Variants in ZNF565 observed in about 807,000 individuals in gnomAD.
ZNF565 encodes the protein zinc finger protein 565.
A neutral mutation model predicts 39.4 loss-of-function variants in ZNF565; 27 were observed. The ratio of observed to expected loss-of-function variants is 0.69; its 90% CI spans 0.51 to 0.95. The LOEUF (loss-of-function observed/expected upper bound fraction) is 0.95. Ranked by LOEUF, ZNF565 falls within the 40% of genes least tolerant of loss-of-function variation. ZNF565 has a pLI of 0.00. For synonymous variants in ZNF565, 185 were observed against 216.6 expected, an observed-to-expected ratio of 0.85 and a Z score of 1.28; for missense variants, 524 against 621.1, an observed-to-expected ratio of 0.84 and a Z score of 1.66.
intron 1 of ZNF565, among the ~76,000 whole-genome samples, chr19:36,220,586 G>C (rs930926357): frequency 6.6e-6 from 1 of 152,022 alleles, no homozygotes; most frequent in South Asian, 2.1e-4. Context: ...GGATGGTCTC[G>C]ATCTCCTAAC....
chr19:36,224,829 G>T (rs1977001186), intron 1 of ZNF565, among the ~76,000 whole-genome samples: 1 of 152,056 alleles, frequency 6.6e-6, no homozygotes, highest in Non-Finnish European at 1.5e-5. Context: ...GGGTCCTCTA[G>T]GGTGTTTTAA....
At chr19:36,236,736 C>A in intron 1 of ZNF565, 1 of 1,614,116 alleles carries the variant, frequency 6.2e-7, no homozygotes. Context: ...GGAGAAAAAC[C>A]TTTTGAGTGT....
intron 2 of ZNF565, 85 bp downstream of exon 2, chr19:36,201,892 G>T: frequency 6.6e-7 from 1 of 1,504,792 alleles, no homozygotes; most frequent in South Asian, 1.2e-5. Context: ...AAGGATACAG[G>T]GAAGTTCCAG....
chr19:36,203,286 A>C (rs982322787), intron 1 of ZNF565: 9 of 148,086 alleles, frequency 6.1e-5, no homozygotes, highest in Non-Finnish European at 1.2e-4. Context: ...TGGTGAGCCG[A>C]GATCGCACCA....
At chr19:36,218,882 C>T (rs547463822), upstream of ZNF565, among the ~76,000 whole-genome samples, 70 of 151,690 alleles carry the variant, frequency 4.6e-4, no homozygotes, top group African/African-American at 1.6e-3. Flanking sequence ...TATCTTGGCT[C>T]ACTGCAAGCT....
intron 1 of ZNF565, among the ~76,000 whole-genome samples, chr19:36,222,925 A>C (rs1428884918): frequency 6.6e-6 from 1 of 150,992 alleles, no homozygotes; most frequent in Non-Finnish European, 1.5e-5. Flanking sequence ...GCTTAGAATG[A>C]GCCCCCTGTG....
rs1438135924 is a variant in ZNF565, at chr19:36,211,465, A to T, written c.-66+3157T>A. On this transcript the variant is annotated intron_variant, in intron 1 of 4. Coordinates refer to ENST00000304116, the MANE Select transcript of ZNF565 (RefSeq NM_152477.5). ...AACTCTCTCTCACACACACACACAC[A>T]CACACACACACACACACACACAATT... 1.7e-3 allele frequency among the ~76,000 whole-genome samples: 254 copies of T among 150,488 alleles called. 2 individuals are homozygous for T. The highest frequency in any genetic ancestry group is 6.0e-3 in the African/African-American group (246 of 40,820).
intron 4 of ZNF565, among the ~76,000 whole-genome samples, chr19:36,192,526 A>G: frequency 6.6e-6 from 1 of 151,952 alleles, no homozygotes; most frequent in Non-Finnish European, 1.5e-5. Context: ...AGGTCACTTG[A>G]GCTCAGGAGT....
At chr19:36,240,119 C>G (rs1002035085) in intron 1 of ZNF565, among the ~76,000 whole-genome samples, 1 of 152,172 alleles carries the variant, frequency 6.6e-6, no homozygotes, top group African/African-American at 2.4e-5. Context: ...ACAGTTGGCC[C>G]TCTGTATCCA....
chr19:36,202,062 A>G lies in ZNF565; in HGVS notation c.-65-12T>C, dbSNP rs772074573. On this transcript the variant is annotated splice_polypyrimidine_tract_variant and intron_variant, in intron 1 of 4. Transcript: ENST00000304116. ...ACAAGTGCAGAGTCCTGAAAAAGCA[A>G]AATGGGGGGAGATGGGGTAACCTCT... 4 of 1,512,764 alleles carry G rather than the reference A, an allele frequency of 2.6e-6. No individual in the cohort carries two copies. Among genetic ancestry groups the G allele is most frequent in the Non-Finnish European group, 3.7e-6 (4 of 1,088,508 alleles). The allele number at this position is 1,512,764 out of a possible 1,614,324, so 93.7% of individuals were successfully genotyped here.
intron 1 of ZNF565, among the ~76,000 whole-genome samples, chr19:36,205,280 C>T (rs905906481): frequency 1.3e-5 from 2 of 152,118 alleles, no homozygotes; most frequent in African/African-American, 4.8e-5. Flanking sequence ...GTAATCCCAG[C>T]ACTTTGGGAG....
intron 1 of ZNF565, among the ~76,000 whole-genome samples, chr19:36,223,731 A>G (rs565074333): frequency 6.6e-6 from 1 of 152,070 alleles, no homozygotes; most frequent in Non-Finnish European, 1.5e-5. Flanking sequence ...TCAAATTCTT[A>G]TAAAGTTACA....
intron 4 of ZNF565, among the ~76,000 whole-genome samples, chr19:36,192,928 T>TGCCTCA (rs549120981): frequency 0.018 from 2,668 of 152,156 alleles, 87 homozygotes; most frequent in African/African-American, 0.06. Flanking sequence ...GAGATTCTCC[T>TGCCTCA]GCCTCAGCCT....
At chr19:36,226,199 T>C (rs929332560) in intron 1 of ZNF565, among the ~76,000 whole-genome samples, 1 of 152,216 alleles carries the variant, frequency 6.6e-6, no homozygotes, top group Non-Finnish European at 1.5e-5. Context: ...TCTCTCTGCC[T>C]GCATGTGTTC....
At chr19:36,226,206 G>C (rs1977059839) in intron 1 of ZNF565, among the ~76,000 whole-genome samples, 2 of 152,146 alleles carry the variant, frequency 1.3e-5, no homozygotes, top group Non-Finnish European at 2.9e-5. Flanking sequence ...GCCTGCATGT[G>C]TTCAGAAACC....
At chr19:36,240,951 C>T (rs1046156663) in intron 1 of ZNF565, among the ~76,000 whole-genome samples, 2 of 152,280 alleles carry the variant, frequency 1.3e-5, no homozygotes, top group East Asian at 3.9e-4. Context: ...AGTTTTGTCC[C>T]CACTTGCTGT....
At chr19:36,193,610 T>A (rs1437829139) in intron 4 of ZNF565, among the ~76,000 whole-genome samples, 3 of 151,456 alleles carry the variant, frequency 2.0e-5, no homozygotes, top group Non-Finnish European at 4.4e-5. Context: ...CCGGCTAATT[T>A]TTTTGTATTT....
chr19:36,202,741 C>T lies in ZNF565; in HGVS notation c.-65-691G>A, dbSNP rs142768923. Among the ~76,000 whole-genome samples the T allele has an allele frequency of 2.7e-3, 408 of 152,218 alleles. 3 individuals are homozygous for T. The highest frequency in any genetic ancestry group is 9.0e-3 in the African/African-American group (374 of 41,542). On this transcript the variant is annotated intron_variant, in intron 1 of 4. Coordinates refer to ENST00000304116, the MANE Select transcript of ZNF565 (RefSeq NM_152477.5). ...ATCTTGAGTAAAAGACATCCCTAAA[C>T]GAAGTCTTCTAGCTTCTCTGGGCTC...
At chr19:36,188,826 A>G (rs747555852) in intron 4 of ZNF565, among the ~76,000 whole-genome samples, 4 of 152,218 alleles carry the variant, frequency 2.6e-5, no homozygotes, top group Non-Finnish European at 5.9e-5. Context: ...ATACATCTAC[A>G]TACACACATA....
Sources: gnomAD v4.1 joint callset for allele counts (sites outside exome capture counted in the v4.1 genomes callset) on GRCh38, gnomAD v4.1.1 for gene constraint, MANE v1.5 for transcripts, NCBI Gene and HGNC (gene_info 2026-07-23, HGNC 2026-07-21) for gene names.